MTHFD2L: variants seen among roughly 807,000 people sequenced by gnomAD.
MTHFD2L encodes the protein bifunctional methylenetetrahydrofolate dehydrogenase/cyclohydrolase 2, mitochondrial.
In MTHFD2L, 29 loss-of-function variants were observed where a neutral mutation model predicts 34.9. The ratio of observed to expected loss-of-function variants is 0.83; its 90% CI spans 0.62 to 1.13. The LOEUF is 1.13. Ranked by LOEUF, MTHFD2L falls within the 50% of genes most tolerant of loss-of-function variation. The pLI is 0.00. For missense variants in MTHFD2L, 481 were observed against 446.5 expected, an observed-to-expected ratio of 1.08 and a Z score of -0.70; for synonymous variants, 167 against 155.7, an observed-to-expected ratio of 1.07 and a Z score of -0.54.
Position 74,220,523 on chromosome 4 carries a change from A to G in MTHFD2L, c.713-4779A>G, listed in dbSNP as rs144301840. ...TATATTTTTAATGAATATAGGTGGA[A>G]TTCTAATCTTTATGATATTAAACAT... On this transcript the variant is annotated intron_variant, in intron 5 of 7. Coordinates refer to ENST00000325278, the MANE Select transcript of MTHFD2L (RefSeq NM_001144978.3). Among the ~76,000 whole-genome samples, 427 of 152,024 alleles carry G rather than the reference A, an allele frequency of 2.8e-3. 5 individuals are homozygous for G. Among genetic ancestry groups the G allele is most frequent in the African/African-American group, 9.6e-3 (397 of 41,554 alleles).
intron 1 of MTHFD2L, among the ~76,000 whole-genome samples, chr4:74,141,872 A>G (rs1723290164): frequency 6.6e-6 from 1 of 152,226 alleles, no homozygotes; most frequent in South Asian, 2.1e-4. Flanking sequence ...CATCCATTAT[A>G]GCTTAATTAG....
chr4:74,118,293 G>A (rs1362742182), intron 2 of MTHFD2L, among the ~76,000 whole-genome samples: 1 of 151,986 alleles, frequency 6.6e-6, no homozygotes, highest in Non-Finnish European at 1.5e-5. Context: ...TGATTCACAC[G>A]AAAAAATACA....
Position 74,243,894 on chromosome 4 carries a change from A to G in MTHFD2L, c.805+18500A>G, listed in dbSNP as rs73824430. On this transcript the variant is annotated intron_variant, in intron 6 of 7. Coordinates refer to ENST00000325278, the MANE Select transcript of MTHFD2L (RefSeq NM_001144978.3). ...GGCTCTGTGAAATTTGGCCCAAAAC[A>G]CTGTTGTTTTTATGCTTTGTGGAGG... 9.1e-3 allele frequency among the ~76,000 whole-genome samples: 1,391 copies of G among 152,268 alleles called. 25 individuals carry two copies. Among genetic ancestry groups the G allele is most frequent in the African/African-American group, 0.032 (1,322 of 41,554 alleles).
chr4:74,147,949 G>A (rs567083891), intron 1 of MTHFD2L, among the ~76,000 whole-genome samples: 59 of 151,996 alleles, frequency 3.9e-4, no homozygotes, highest in South Asian at 6.2e-4. Flanking sequence ...ATTTTTTCCT[G>A]TTCTCTTGAT....
upstream of MTHFD2L, among the ~76,000 whole-genome samples, chr4:74,121,250 G>A (rs1721748202): frequency 6.6e-6 from 1 of 152,114 alleles, no homozygotes; most frequent in African/African-American, 2.4e-5. Context: ...CATCCTAGAA[G>A]AGGATCAACT....
chr4:74,265,169 T>G (rs540763049), intron 6 of MTHFD2L, among the ~76,000 whole-genome samples: 2 of 152,194 alleles, frequency 1.3e-5, no homozygotes, highest in Non-Finnish European at 2.9e-5. Flanking sequence ...TATGGTTTGG[T>G]GGGGGATTGA....
At chr4:74,261,925 A>G (rs1339568683) in intron 6 of MTHFD2L, among the ~76,000 whole-genome samples, 1 of 152,080 alleles carries the variant, frequency 6.6e-6, no homozygotes. Context: ...TAATACGTGT[A>G]AAGCACTTAG....
intron 1 of MTHFD2L, among the ~76,000 whole-genome samples, chr4:74,142,091 A>G (rs747974407): frequency 2.6e-5 from 4 of 152,194 alleles, no homozygotes; most frequent in Non-Finnish European, 4.4e-5. Context: ...TGAAAAACTC[A>G]CCGTAATATC....
At chr4:74,156,406 C>T, upstream of MTHFD2L, 1 of 152,146 alleles carries the variant, frequency 6.6e-6, no homozygotes, top group Non-Finnish European at 1.5e-5. Flanking sequence ...CTTTTTATGG[C>T]TTGGTAGCTT....
chr4:74,251,459 C>T (rs989560896), intron 6 of MTHFD2L, among the ~76,000 whole-genome samples: 2 of 152,212 alleles, frequency 1.3e-5, no homozygotes, highest in Admixed American at 6.5e-5. Flanking sequence ...ACATCCTATA[C>T]TCTAATTATC....
intron 6 of MTHFD2L, among the ~76,000 whole-genome samples, chr4:74,254,277 T>C (rs1229252651): frequency 6.6e-6 from 1 of 152,166 alleles, no homozygotes; most frequent in African/African-American, 2.4e-5. Flanking sequence ...TTCAGCTTCA[T>C]GAAGCCCTAA....
At chr4:74,270,893 G>A (rs1435444972) in intron 6 of MTHFD2L, among the ~76,000 whole-genome samples, 6 of 152,022 alleles carry the variant, frequency 3.9e-5, no homozygotes, top group Admixed American at 1.3e-4. Flanking sequence ...TCTCATTGTG[G>A]TTTTGATTTG....
chr4:74,293,623 C>A, intron 7 of MTHFD2L: 2 of 565,406 alleles, frequency 3.5e-6, no homozygotes, highest in Non-Finnish European at 4.5e-6. Flanking sequence ...CTTCCAAGTT[C>A]AATGGCAAGC....
chr4:74,121,160 C>A (rs1189159831), upstream of MTHFD2L, among the ~76,000 whole-genome samples: 1 of 152,168 alleles, frequency 6.6e-6, no homozygotes, highest in Non-Finnish European at 1.5e-5. Context: ...GCATTATTTT[C>A]TAACTACAAA....
At chr4:74,299,401 CAGCAGTAGCAGT>C (rs760547709) in intron 7 of MTHFD2L, among the ~76,000 whole-genome samples, 17 of 151,566 alleles carry the variant, frequency 1.1e-4, no homozygotes, top group Non-Finnish European at 1.6e-4. Flanking sequence ...GCAGCAGCAG[CAGCAGTAGCAGT>C]AGCAGTAGCA....
intron 7 of MTHFD2L, among the ~76,000 whole-genome samples, chr4:74,282,114 T>C (rs192581782): frequency 3.5e-4 from 53 of 152,140 alleles, no homozygotes; most frequent in African/African-American, 1.1e-3. Context: ...AACAAATATG[T>C]AGTAGTAAAA....
intron 5 of MTHFD2L, among the ~76,000 whole-genome samples, chr4:74,207,776 T>TTTTTTTTTTTTTTTG (rs1342187463): frequency 4.6e-5 from 7 of 151,068 alleles, no homozygotes; most frequent in African/African-American, 1.5e-4. Context: ...CTTTTTTTTT[T>TTTTTTTTTTTTTTTG]TTTTTTGCCA....
At chr4:74,247,019 G>T (rs1742565420) in intron 6 of MTHFD2L, among the ~76,000 whole-genome samples, 1 of 149,738 alleles carries the variant, frequency 6.7e-6, no homozygotes, top group Admixed American at 6.6e-5. Flanking sequence ...TGTGAAGAAA[G>T]TCATTGGTAG....
intron 3 of MTHFD2L, among the ~76,000 whole-genome samples, chr4:74,186,064 A>G (rs1731177610): frequency 6.6e-6 from 1 of 152,144 alleles, no homozygotes; most frequent in African/African-American, 2.4e-5. Flanking sequence ...GGAATCCAAT[A>G]CAATTTAACA....
Sources: allele counts gnomAD v4.1 joint callset (sites outside exome capture counted in the v4.1 genomes callset), GRCh38; gene constraint gnomAD v4.1.1; transcripts MANE v1.5; gene names NCBI Gene and HGNC (gene_info 2026-07-23, HGNC 2026-07-21).